The following KLHL29 variants were observed in gnomAD, a reference collection of about 807,000 sequenced individuals.
KLHL29 encodes kelch-like protein 29.
Under a neutral mutation model 80.4 loss-of-function variants are expected in KLHL29, and 21 were observed. The ratio of observed to expected loss-of-function variants is 0.26; its 90% confidence interval spans 0.19 to 0.38. The LOEUF (loss-of-function observed/expected upper bound fraction) is 0.38. Ranked by LOEUF, KLHL29 falls within the 10% of genes least tolerant of loss-of-function variation. The pLI is 1.00. For missense variants in KLHL29, 867 were observed against 1,223.9 expected, an observed-to-expected ratio of 0.71 and a Z score of 4.35; for synonymous variants, 511 against 526.8, an observed-to-expected ratio of 0.97 and a Z score of 0.41.
intron 2 of KLHL29, among the ~76,000 whole-genome samples, chr2:23,504,963 C>T (rs547489850): frequency 2.0e-5 from 3 of 152,206 alleles, no homozygotes; most frequent in Non-Finnish European, 4.4e-5. Context: ...CACTGAGCAG[C>T]TTTGATCTGC....
chr2:23,390,368 G>C (rs1666287328), intron 1 of KLHL29, among the ~76,000 whole-genome samples: 3 of 152,326 alleles, frequency 2.0e-5, no homozygotes, highest in Non-Finnish European at 4.4e-5. Flanking sequence ...GGCGAGCATG[G>C]TTGTAACGGC....
At chr2:23,536,176 C>T (rs143143899) in intron 2 of KLHL29, among the ~76,000 whole-genome samples, 389 of 152,282 alleles carry the variant, frequency 2.6e-3, no homozygotes, top group Non-Finnish European at 4.1e-3. Context: ...GACCACATAT[C>T]GCGCCACTGG....
At position 23,696,090 on chromosome 2, in the gene KLHL29, G is replaced by C; in HGVS notation, c.1881G>C (p.Glu627Asp). The change falls in exon 10 of 14, where the codon GAG (glutamate) becomes GAC (aspartate). Residue 627 changes from glutamate (E) to aspartate (D), a missense_variant. Coordinates refer to ENST00000486442, the MANE Select transcript of KLHL29 (RefSeq NM_052920.2). This position sits in a 1 kb window ranked among gnomAD's most constrained non-coding sequence, Gnocchi z 5.5. ...CCTCGCTGCCCTTCTATGACCGCGA[G>C]TTCTTCAGTGTAGTGAGTGCAGGGG... ...PLASLPFYDR[E>D]FFSVVSAGDN... The C allele has an allele frequency of 1.9e-6, 3 of 1,551,826 alleles. No individual in the cohort carries two copies. Among genetic ancestry groups the C allele is most frequent in the Non-Finnish European group, 1.7e-6 (2 of 1,147,030 alleles).
chr2:23,667,360 C>G (rs1366980284), intron 5 of KLHL29: 2 of 152,154 alleles, frequency 1.3e-5, no homozygotes, highest in East Asian at 3.9e-4. Flanking sequence ...CAAAAACATA[C>G]TCTTGAATCA....
intron 1 of KLHL29, among the ~76,000 whole-genome samples, chr2:23,456,751 T>A (rs905936287): frequency 6.6e-6 from 1 of 152,032 alleles, no homozygotes; most frequent in African/African-American, 2.4e-5. Context: ...GATCCTGGAG[T>A]CTTCCCCCAC....
chr2:23,555,123 C>A (rs1667251212), intron 2 of KLHL29, among the ~76,000 whole-genome samples: 1 of 145,630 alleles, frequency 6.9e-6, no homozygotes, highest in Non-Finnish European at 1.5e-5. Context: ...GATGACCTCC[C>A]CCCCCCCCTC....
intron 1 of KLHL29, among the ~76,000 whole-genome samples, chr2:23,393,926 T>C (rs764866914): frequency 1.3e-5 from 2 of 152,178 alleles, no homozygotes; most frequent in Non-Finnish European, 2.9e-5. Context: ...GGCTTGTCTC[T>C]ACCCTAGAAG....
intron 2 of KLHL29, among the ~76,000 whole-genome samples, chr2:23,554,933 CTG>C (rs1370622457): frequency 2.0e-5 from 3 of 152,216 alleles, no homozygotes; most frequent in African/African-American, 7.2e-5. Context: ...GAAACACAGT[CTG>C]GGCCTGGGGC....
intron 3 of KLHL29, among the ~76,000 whole-genome samples, chr2:23,597,403 AT>A (rs1668450583): frequency 5.0e-5 from 2 of 39,758 alleles, no homozygotes; most frequent in African/African-American, 1.8e-4. Context: ...ATATATATAT[AT>A]ATATTTTTTT....
Position 23,693,402 on chromosome 2 carries a change from C to A in KLHL29, c.1416C>A (p.Ile472=). ...IFPEVAAQEE[I]LSISKDDFIA... ...CCGAGGTGGCCGCCCAGGAGGAGATCCTCAGCATCTCCAAGGACGACTTCA... is the reference window on the plus strand; with the variant it reads ...CCGAGGTGGCCGCCCAGGAGGAGATACTCAGCATCTCCAAGGACGACTTCA... Residue 472 remains isoleucine, a synonymous_variant, in exon 8 of 14, where the codon ATC becomes ATA. Transcript: ENST00000486442. The A allele has an allele frequency of 6.4e-7, 1 of 1,551,752 alleles. No individual in the cohort carries two copies. Among genetic ancestry groups the A allele is most frequent in the Non-Finnish European group, 8.7e-7 (1 of 1,146,994 alleles).
At chr2:23,686,279 AAGG>A (rs1344756400) in intron 6 of KLHL29, among the ~76,000 whole-genome samples, 1 of 151,618 alleles carries the variant, frequency 6.6e-6, no homozygotes, top group Non-Finnish European at 1.5e-5. Flanking sequence ...CACCTGAAGG[AAGG>A]AGAACAGTAG....
intron 1 of KLHL29, among the ~76,000 whole-genome samples, chr2:23,470,248 G>A (rs767875570): frequency 5.3e-5 from 8 of 152,164 alleles, no homozygotes; most frequent in South Asian, 2.1e-4. Flanking sequence ...TGGGTGGCAC[G>A]TGTGTCCTTA....
At chr2:23,661,049 G>T (rs1670391708) in intron 5 of KLHL29, among the ~76,000 whole-genome samples, 1 of 151,502 alleles carries the variant, frequency 6.6e-6, no homozygotes, top group Admixed American at 6.6e-5. Flanking sequence ...AAAAGAGAGA[G>T]AGAGAGAGAA....
rs114271734 is a variant in KLHL29, at chr2:23,567,405, C to G, written c.285+4924C>G. On this transcript the variant is annotated intron_variant, in intron 3 of 13. Transcript: ENST00000486442. ...ATCTAGCTGGGAAGCAGAGCGACTT[C>G]GCCTGTGTCGGAGGCCCGAGAAGAA... is the stretch of plus-strand genomic sequence containing the variant. 4.5e-3 allele frequency among the ~76,000 whole-genome samples: 684 copies of G among 152,296 alleles called. 3 individuals carry two copies. Among genetic ancestry groups the G allele is most frequent in the African/African-American group, 0.016 (654 of 41,568 alleles).
At chr2:23,663,702 G>T (rs1670481646) in intron 5 of KLHL29, among the ~76,000 whole-genome samples, 1 of 152,200 alleles carries the variant, frequency 6.6e-6, no homozygotes, top group Admixed American at 6.5e-5. Flanking sequence ...GAAAATCTGC[G>T]ATATAAATAA....
At chr2:23,546,266 A>G (rs939780101) in intron 2 of KLHL29, among the ~76,000 whole-genome samples, 4 of 152,154 alleles carry the variant, frequency 2.6e-5, no homozygotes, top group African/African-American at 4.8e-5. Context: ...GGGGTGGCCA[A>G]TGCAGTGTGT....
intron 2 of KLHL29, among the ~76,000 whole-genome samples, chr2:23,516,469 C>CCTTTCT (rs1357646214): frequency 1.3e-5 from 2 of 152,078 alleles, no homozygotes; most frequent in Admixed American, 1.3e-4. Flanking sequence ...TGGACGCACT[C>CCTTTCT]CTTTCTCTTC....
At position 23,447,764 on chromosome 2, in the gene KLHL29, G is replaced by A. The variant is rs530471000; in HGVS notation, c.-153-27796G>A. ...TTGACAGCAAAACCCAGCCTAAACT[G>A]ACATGAGGCCATTTATAGTCCTTAT... On this transcript the variant is annotated intron_variant, in intron 1 of 13. Transcript: ENST00000486442. Among the ~76,000 whole-genome samples the A allele has an allele frequency of 5.3e-5, 8 of 152,296 alleles. No individual in the cohort carries two copies. In the East Asian group the frequency reaches 1.5e-3, roughly 29 times the overall value.
At chr2:23,614,168 G>A (rs892683004) in intron 3 of KLHL29, among the ~76,000 whole-genome samples, 2 of 152,184 alleles carry the variant, frequency 1.3e-5, no homozygotes, top group Admixed American at 6.5e-5. Flanking sequence ...CCTGCTTTGA[G>A]TTGTCCCACC....
Sources: gnomAD v4.1 joint callset for allele counts (sites outside exome capture counted in the v4.1 genomes callset) on GRCh38, gnomAD v4.1.1 for gene constraint, Gnocchi (gnomAD v3.1) non-coding constraint, MANE v1.5 for transcripts, NCBI Gene and HGNC (gene_info 2026-07-23, HGNC 2026-07-21) for gene names.